The following DACH1 variants were observed in gnomAD, a reference collection of about 807,000 sequenced individuals.
DACH1 encodes dachshund family transcription factor 1.
In DACH1, 12 loss-of-function variants were observed where a neutral mutation model predicts 54.2. The ratio of observed to expected loss-of-function variants is 0.22; its 90% CI spans 0.14 to 0.36. The LOEUF is 0.36. Among genes scored for constraint, DACH1 ranks in the 10% least tolerant of loss-of-function variants. The pLI, the probability that DACH1 is intolerant of heterozygous loss-of-function variation, is 1.00. For synonymous variants in DACH1, 386 were observed against 366.2 expected, an observed-to-expected ratio of 1.05 and a Z score of -0.62; for missense variants, 805 against 929.8, an observed-to-expected ratio of 0.87 and a Z score of 1.75.
intron 1 of DACH1, among the ~76,000 whole-genome samples, chr13:71,708,452 T>C (rs1477167077): frequency 6.6e-6 from 1 of 152,170 alleles, no homozygotes; most frequent in African/African-American, 2.4e-5. Flanking sequence ...AGAAAGAGAT[T>C]GCATGTTTTA....
intron 6 of DACH1, among the ~76,000 whole-genome samples, chr13:71,534,292 G>C (rs1400057496): frequency 6.6e-6 from 1 of 151,264 alleles, no homozygotes; most frequent in Non-Finnish European, 1.5e-5. Context: ...TAAATCGAAG[G>C]AAAAATTCAA....
rs544129067 is a variant in DACH1 at position 71,655,969 on chromosome 13, G to A, written c.965-25252C>T. ...TTTTATGAAGCATATAAAAAAGAAA[G>A]TAGAAAGTAATTTTTAATTGGCCAA... On this transcript the variant is annotated intron_variant, in intron 2 of 10. Transcript: ENST00000613252. 2.0e-5 allele frequency among the ~76,000 whole-genome samples: 3 copies of A among 152,318 alleles called. No homozygotes were observed. The East Asian group carries it at 5.8e-4, about 29-fold the overall frequency.
intron 1 of DACH1, among the ~76,000 whole-genome samples, chr13:71,765,189 T>C (rs1333664010): frequency 1.3e-5 from 2 of 152,202 alleles, no homozygotes; most frequent in Non-Finnish European, 1.5e-5. Context: ...CTGTATTCCC[T>C]TCCTGTTGCA....
At chr13:71,793,069 T>C (rs550628614) in intron 1 of DACH1, among the ~76,000 whole-genome samples, 23 of 152,236 alleles carry the variant, frequency 1.5e-4, no homozygotes, top group East Asian at 3.9e-4. Flanking sequence ...ATCAAACATA[T>C]TAAGAAAAAT....
intron 6 of DACH1, among the ~76,000 whole-genome samples, chr13:71,489,875 C>G (rs577351072): frequency 2.9e-4 from 44 of 152,096 alleles, no homozygotes; most frequent in African/African-American, 1.0e-3. Context: ...TTAAAAATCC[C>G]TTCAAAATAA....
chr13:71,474,431 G>C (rs953706248), intron 10 of DACH1, among the ~76,000 whole-genome samples: 3 of 152,098 alleles, frequency 2.0e-5, no homozygotes, highest in African/African-American at 7.2e-5. Flanking sequence ...AAATGCTCTT[G>C]TTACTGTTTA....
chr13:71,477,314 G>A (rs1362856987), intron 8 of DACH1, among the ~76,000 whole-genome samples: 3 of 150,774 alleles, frequency 2.0e-5, no homozygotes, highest in East Asian at 3.9e-4. Flanking sequence ...GTAGAGGCGC[G>A]GTTTCACCTT....
chr13:71,550,568 T>C (rs1883748353), intron 6 of DACH1, among the ~76,000 whole-genome samples: 1 of 152,174 alleles, frequency 6.6e-6, no homozygotes, highest in African/African-American at 2.4e-5. Context: ...GCCCATCATT[T>C]ACAGGGCTGT....
At chr13:71,597,188 G>C (rs1032727599) in intron 3 of DACH1, among the ~76,000 whole-genome samples, 6 of 152,090 alleles carry the variant, frequency 3.9e-5, no homozygotes, top group Non-Finnish European at 8.8e-5. Context: ...ACATTTATTT[G>C]AGGTCAAATT....
chr13:71,499,792 C>T (rs1572166), intron 6 of DACH1, among the ~76,000 whole-genome samples: 142,226 of 152,184 alleles, frequency 0.93, 67,222 homozygotes, highest in East Asian at 1. Context: ...GAAAGTGAAC[C>T]AGTTTTGTGC....
intron 6 of DACH1, among the ~76,000 whole-genome samples, chr13:71,551,975 G>A (rs749609374): frequency 3.9e-5 from 6 of 152,028 alleles, no homozygotes; most frequent in African/African-American, 1.2e-4. Context: ...ACAAAAGAAG[G>A]GCTTTATGGC....
chr13:71,503,213 T>G (rs2138237718), intron 6 of DACH1, among the ~76,000 whole-genome samples: 1 of 152,314 alleles, frequency 6.6e-6, no homozygotes, highest in East Asian at 1.9e-4. Context: ...AAAATTATTA[T>G]CAAATTTCTT....
At chr13:71,562,600 C>T (rs189319060) in intron 4 of DACH1, among the ~76,000 whole-genome samples, 90 of 152,016 alleles carry the variant, frequency 5.9e-4, no homozygotes, top group Admixed American at 8.5e-4. Context: ...ACATGGAAAA[C>T]GAATATATTA....
chr13:71,761,702 T>C, intron 1 of DACH1, among the ~76,000 whole-genome samples: 1 of 152,144 alleles, frequency 6.6e-6, no homozygotes, highest in Non-Finnish European at 1.5e-5. Context: ...GATGCTAACA[T>C]TTTTAAGTCA....
In DACH1 at chr13:71,479,085, A is replaced by C. The variant is rs1206734134; in HGVS notation, c.1870+84T>G. On this transcript the variant is annotated intron_variant, in intron 8 of 10. Coordinates refer to ENST00000613252, the MANE Select transcript of DACH1 (RefSeq NM_080759.6). The stretch of plus-strand genomic sequence containing the variant: ...ACCGTTAAATTAACAAAAATACTAC[A>C]ATTTCAAAATAAATCACCATCATAG... 7.0e-6 allele frequency: 9 copies of C among 1,287,990 alleles called. No individual in the cohort carries two copies. The East Asian group carries it at 2.4e-4, about 34-fold the overall frequency. The allele number at this position is 1,287,990 out of a possible 1,614,324, so 79.8% of individuals were successfully genotyped here. A position where few individuals can be genotyped will look rare whatever the true frequency, so the allele number is the denominator to read the frequency against.
chr13:71,550,034 A>G (rs1883708785), intron 6 of DACH1, among the ~76,000 whole-genome samples: 2 of 152,208 alleles, frequency 1.3e-5, no homozygotes, highest in South Asian at 4.1e-4. Context: ...ATTACATTTT[A>G]GCTATATGTA....
chr13:71,754,732 C>G (rs1372692112), intron 1 of DACH1, among the ~76,000 whole-genome samples: 1 of 149,872 alleles, frequency 6.7e-6, no homozygotes, highest in African/African-American at 2.5e-5. Flanking sequence ...ATCTTTTAGA[C>G]ATAACCAGGA....
chr13:71,741,166 A>G (rs78641426), intron 1 of DACH1, among the ~76,000 whole-genome samples: 1,795 of 152,280 alleles, frequency 0.012, 32 homozygotes, highest in African/African-American at 0.041. Context: ...TCATCTTCCC[A>G]CCCAAGTTCA....
intron 1 of DACH1, among the ~76,000 whole-genome samples, chr13:71,787,499 T>C (rs563768864): frequency 1.7e-4 from 26 of 152,208 alleles, no homozygotes; most frequent in Non-Finnish European, 3.5e-4. Flanking sequence ...TGATGAACCA[T>C]TAAAGTTATG....
Sources: allele counts gnomAD v4.1 joint callset (sites outside exome capture counted in the v4.1 genomes callset), GRCh38; gene constraint gnomAD v4.1.1; transcripts MANE v1.5; gene names NCBI Gene and HGNC (gene_info 2026-07-23, HGNC 2026-07-21).